Variants in HDAC4 observed in about 807,000 individuals in gnomAD.
HDAC4 encodes the protein histone deacetylase A.
Under a neutral mutation model 135.1 loss-of-function variants are expected in HDAC4, and 16 were observed. That is an observed-to-expected ratio of 0.12 (90% CI 0.08 to 0.18). The LOEUF is 0.18. Ranked by LOEUF, HDAC4 falls within the 10% of genes least tolerant of loss-of-function variation. The pLI is 1.00. For synonymous variants in HDAC4, 685 were observed against 653.4 expected (o/e 1.05, Z -0.74); for missense variants, 1,143 against 1,511.8 (o/e 0.76, Z 4.05).
intron 3 of HDAC4, among the ~76,000 whole-genome samples, chr2:239,231,967 G>C (rs547694304): frequency 4.2e-5 from 5 of 118,130 alleles, no homozygotes; most frequent in Admixed American, 1.7e-4. Flanking sequence ...CCTGCTCCCG[G>C]ATGCCTGAGG....
At chr2:239,138,669 G>C (rs1001675678) in intron 9 of HDAC4, among the ~76,000 whole-genome samples, 2 of 152,154 alleles carry the variant, frequency 1.3e-5, no homozygotes, top group African/African-American at 2.4e-5. Flanking sequence ...CTGCGGGACT[G>C]CCTCTCTCTG....
At chr2:239,060,482 A>G (rs556944854) in intron 24 of HDAC4, among the ~76,000 whole-genome samples, 22 of 152,360 alleles carry the variant, frequency 1.4e-4, no homozygotes, top group African/African-American at 4.8e-4. Context: ...CAGGTGGCCA[A>G]TAGGCAGATG....
intron 6 of HDAC4, chr2:239,162,493 A>G (rs1303436232): frequency 5.3e-6 from 2 of 379,992 alleles, no homozygotes; most frequent in South Asian, 1.9e-5. Context: ...CAACCAGTCC[A>G]GGCAGTGGAC....
intron 6 of HDAC4, among the ~76,000 whole-genome samples, chr2:239,163,120 C>T (rs899680500): frequency 3.3e-5 from 5 of 152,032 alleles, no homozygotes; most frequent in African/African-American, 7.2e-5. Flanking sequence ...CATGGCAGGT[C>T]GGCTCTCTTC....
intron 3 of HDAC4, 142 bp downstream of exon 3, chr2:239,236,451 A>T (rs957547645): frequency 1.5e-6 from 1 of 668,986 alleles, no homozygotes; most frequent in Non-Finnish European, 2.7e-6. Context: ...TACCACCAGG[A>T]AGAGCACCCA....
intron 22 of HDAC4, among the ~76,000 whole-genome samples, chr2:239,073,900 C>G (rs1164331563): frequency 1.3e-5 from 2 of 152,250 alleles, no homozygotes; most frequent in African/African-American, 2.4e-5. Flanking sequence ...GCCCCACAGT[C>G]CTTTCTGACC....
intron 15 of HDAC4, among the ~76,000 whole-genome samples, chr2:239,107,439 T>A (rs1003305943): frequency 7.9e-5 from 12 of 152,206 alleles, no homozygotes; most frequent in Admixed American, 1.3e-4. Flanking sequence ...CCTCCTCGTG[T>A]GACTCAGCCA....
At chr2:239,298,241 T>C (rs1215729523) in intron 2 of HDAC4, 1 of 1,288,626 alleles carries the variant, frequency 7.8e-7, no homozygotes, top group Non-Finnish European at 1.0e-6. Flanking sequence ...AGACCTAAGA[T>C]CAAATCCAGG....
At chr2:239,196,227 G>A (rs1346479472) in intron 3 of HDAC4, among the ~76,000 whole-genome samples, 1 of 152,140 alleles carries the variant, frequency 6.6e-6, no homozygotes, top group African/African-American at 2.4e-5. Flanking sequence ...TAGCTACAAT[G>A]TCCTTCACCC....
intron 22 of HDAC4, among the ~76,000 whole-genome samples, chr2:239,076,727 C>G (rs1323337234): frequency 1.3e-5 from 2 of 152,236 alleles, no homozygotes; most frequent in Non-Finnish European, 2.9e-5. Context: ...TGGCTCCTCA[C>G]TGGCTCTCCC....
intron 2 of HDAC4, among the ~76,000 whole-genome samples, chr2:239,317,533 G>A (rs552989195): frequency 1.3e-5 from 2 of 152,262 alleles, no homozygotes; most frequent in South Asian, 4.1e-4. Flanking sequence ...TGCCAGAAAC[G>A]CCAGCATGAA....
rs144795033 is a variant in HDAC4 at position 239,379,984 on chromosome 2, G to A, written c.-220+20994C>T. 2.0e-3 allele frequency among the ~76,000 whole-genome samples: 298 copies of A among 152,364 alleles called. 5 individuals are homozygous for A. In the East Asian group the frequency reaches 0.037, roughly 19 times the overall value. ...GCAGACTGCAGGCTCCATCTGGCCC[G>A]TGGTGGAGTGTGGCCAGCCTGCCAT... On this transcript the variant is annotated intron_variant, in intron 1 of 26. Coordinates refer to ENST00000543185, the MANE Select transcript of HDAC4 (RefSeq NM_001378414.1).
At chr2:239,316,354 C>T (rs2053114504) in intron 2 of HDAC4, among the ~76,000 whole-genome samples, 2 of 152,054 alleles carry the variant, frequency 1.3e-5, no homozygotes, top group African/African-American at 2.4e-5. Flanking sequence ...AATCCCAGCA[C>T]TCTGGGGGGC....
intron 19 of HDAC4, among the ~76,000 whole-genome samples, chr2:239,085,465 A>G (rs1464308529): frequency 1.3e-5 from 2 of 152,252 alleles, no homozygotes; most frequent in African/African-American, 4.8e-5. Flanking sequence ...GAGCTCCTGC[A>G]GCGGCTCACG....
At chr2:239,142,447 C>A (rs2041448277) in intron 8 of HDAC4, among the ~76,000 whole-genome samples, 1 of 152,236 alleles carries the variant, frequency 6.6e-6, no homozygotes, top group Non-Finnish European at 1.5e-5. Context: ...AGGAGATGCA[C>A]AACCCTCTGC....
intron 19 of HDAC4, among the ~76,000 whole-genome samples, chr2:239,086,976 G>A (rs971565379): frequency 2.6e-5 from 4 of 152,196 alleles, no homozygotes; most frequent in Non-Finnish European, 5.9e-5. Flanking sequence ...TCCACAGACA[G>A]CTGCGGGTCT....
intron 1 of HDAC4, among the ~76,000 whole-genome samples, chr2:239,368,216 G>A (rs555271145): frequency 6.2e-4 from 94 of 152,202 alleles, no homozygotes; most frequent in Non-Finnish European, 1.0e-3. Flanking sequence ...TTTGAGAACC[G>A]TGGCTCTGCA....
chr2:239,385,395 G>A (rs1695723345), intron 1 of HDAC4, among the ~76,000 whole-genome samples: 1 of 152,220 alleles, frequency 6.6e-6, no homozygotes, highest in Non-Finnish European at 1.5e-5. Context: ...TGAAGAAAAG[G>A]AGGCTCCTGG....
At chr2:239,227,002 C>T (rs369709144) in intron 3 of HDAC4, among the ~76,000 whole-genome samples, 1 of 152,208 alleles carries the variant, frequency 6.6e-6, no homozygotes, top group South Asian at 2.1e-4. Flanking sequence ...AACACACACA[C>T]AGGAGATGAG....
Sources: allele counts gnomAD v4.1 joint callset (sites outside exome capture counted in the v4.1 genomes callset), GRCh38; gene constraint gnomAD v4.1.1; transcripts MANE v1.5; gene names NCBI Gene and HGNC (gene_info 2026-07-23, HGNC 2026-07-21).